The following SLC39A9 variants were observed in gnomAD, a reference collection of about 807,000 sequenced individuals.
SLC39A9 encodes solute carrier family 39 member 9.
SLC39A9 carries 14 observed loss-of-function variants against 28.4 expected under a neutral mutation model. That is an observed-to-expected ratio of 0.49 (90% CI 0.33 to 0.77). SLC39A9 has a LOEUF of 0.77. Among genes scored for constraint, SLC39A9 ranks in the 30% least tolerant of loss-of-function variants. SLC39A9 has a pLI of 0.02. For synonymous variants in SLC39A9, 119 were observed against 149.6 expected, an observed-to-expected ratio of 0.80 and a Z score of 1.49; for missense variants, 283 against 381.1, an observed-to-expected ratio of 0.74 and a Z score of 2.14.
chr14:69,424,471 T>G (rs905997521), intron 2 of SLC39A9, among the ~76,000 whole-genome samples: 2 of 152,208 alleles, frequency 1.3e-5, no homozygotes, highest in African/African-American at 4.8e-5. Flanking sequence ...TCTTTTTTAA[T>G]GCTTACTCAA....
At chr14:69,426,985 T>C (rs1341825900) in intron 2 of SLC39A9, among the ~76,000 whole-genome samples, 1 of 151,630 alleles carries the variant, frequency 6.6e-6, no homozygotes, top group Admixed American at 6.6e-5. Flanking sequence ...TTTTCAGTTT[T>C]CCTGATTTTT....
intron 2 of SLC39A9, among the ~76,000 whole-genome samples, chr14:69,427,507 A>G (rs879867207): frequency 1.4e-4 from 22 of 152,350 alleles, no homozygotes; most frequent in Admixed American, 2.0e-4. Flanking sequence ...TGACAAATGC[A>G]TAGAGAGTGA....
chr14:69,409,415 T>C (rs1883124778), intron 1 of SLC39A9, among the ~76,000 whole-genome samples: 2 of 152,200 alleles, frequency 1.3e-5, no homozygotes, highest in Non-Finnish European at 2.9e-5. Flanking sequence ...TTTGGTTCAC[T>C]GTAGCCTCCG....
At chr14:69,418,033 C>A (rs1482947142) in intron 1 of SLC39A9, among the ~76,000 whole-genome samples, 1 of 152,104 alleles carries the variant, frequency 6.6e-6, no homozygotes, top group East Asian at 1.9e-4. Context: ...AGAGGGCATC[C>A]CTGTCTTGTG....
chr14:69,412,596 G>C (rs1171718841), intron 1 of SLC39A9, among the ~76,000 whole-genome samples: 9 of 152,104 alleles, frequency 5.9e-5, no homozygotes, highest in African/African-American at 1.7e-4. Context: ...TCAGAGCCCA[G>C]TGGCCGGTAC....
At chr14:69,430,710 G>A (rs997133670) in intron 2 of SLC39A9, among the ~76,000 whole-genome samples, 33 of 148,602 alleles carry the variant, frequency 2.2e-4, no homozygotes, top group African/African-American at 7.5e-4. Flanking sequence ...AGCTCACTGT[G>A]ACCTTGAACT....
chr14:69,415,493 A>C (rs1883519040), intron 1 of SLC39A9, among the ~76,000 whole-genome samples: 1 of 152,136 alleles, frequency 6.6e-6, no homozygotes, highest in Non-Finnish European at 1.5e-5. Flanking sequence ...ATTGAGTTGT[A>C]GAAGTTCTTT....
At chr14:69,421,561 T>A (rs1418528731) in intron 1 of SLC39A9, among the ~76,000 whole-genome samples, 1 of 152,244 alleles carries the variant, frequency 6.6e-6, no homozygotes, top group Non-Finnish European at 1.5e-5. Context: ...CGTTTAAGAC[T>A]GCAGAAGTTT....
At chr14:69,449,553 A>T (rs1885504991) in intron 3 of SLC39A9, among the ~76,000 whole-genome samples, 1 of 152,184 alleles carries the variant, frequency 6.6e-6, no homozygotes, top group East Asian at 1.9e-4. Flanking sequence ...TGAGCCCAGG[A>T]ATTCGAGACT....
rs1264412653 is a variant in SLC39A9 at position 69,424,139 on chromosome 14, G to A, written c.142G>A (p.Gly48Arg). Residue 48 changes from glycine to arginine, a missense_variant, in exon 2 of 7, where the codon GGA (glycine) becomes AGA (arginine). Coordinates refer to ENST00000336643, the MANE Select transcript of SLC39A9 (RefSeq NM_018375.5). Reference sequence around the variant, plus strand: ...TGTTTTGGGTGCTGGCCTTCTCTGTGGAACTGCTCTGGCAGTCATCGTGCC... The same window carrying A: ...TGTTTTGGGTGCTGGCCTTCTCTGTAGAACTGCTCTGGCAGTCATCGTGCC... Reference protein sequence around the residue: ...VTVLGAGLLCGTALAVIVPEG... With the variant: ...VTVLGAGLLCRTALAVIVPEG... The A allele has an allele frequency of 6.2e-7, 1 of 1,613,914 alleles. No individual in the cohort carries two copies. Among genetic ancestry groups the A allele is most frequent in the East Asian group, 2.2e-5 (1 of 44,870 alleles).
intron 1 of SLC39A9, among the ~76,000 whole-genome samples, chr14:69,409,964 A>G (rs1426072166): frequency 6.6e-6 from 1 of 152,194 alleles, no homozygotes; most frequent in Non-Finnish European, 1.5e-5. Context: ...AGGAAAAGGT[A>G]TATTTACTAT....
rs1884734965 is a variant in SLC39A9, at chr14:69,436,085, A to G, written c.206-5984A>G. ...TTTATAAGTGTCTGTTTCTCTGCTG[A>G]GGATGTTCATTTATTTGAGGAATTT... On this transcript the variant is annotated intron_variant, in intron 2 of 6. Coordinates refer to ENST00000336643, the MANE Select transcript of SLC39A9 (RefSeq NM_018375.5). Among the ~76,000 whole-genome samples, 3 of 151,812 alleles carry G rather than the reference A, an allele frequency of 2.0e-5. No homozygotes were observed. In the South Asian group the frequency reaches 6.3e-4, roughly 32 times the overall value.
intron 1 of SLC39A9, among the ~76,000 whole-genome samples, chr14:69,401,018 T>G (rs1249067582): frequency 6.6e-6 from 1 of 151,220 alleles, no homozygotes; most frequent in African/African-American, 2.4e-5. Flanking sequence ...CAGTGACATA[T>G]AGATGAGGAA....
In SLC39A9 at chr14:69,461,810, G is replaced by A; in HGVS notation, c.*3217G>A. ...ACAGCAGCACAAACCCCCAAAGGAT[G>A]TTCCTGCCTTGTGGGCCCCTGAGCC... On this transcript the variant is annotated 3_prime_UTR_variant, in exon 7 of 7. Transcript: ENST00000336643. 5 of 1,475,496 alleles carry A rather than the reference G, an allele frequency of 3.4e-6. No homozygotes were observed. The highest frequency in any genetic ancestry group is 4.5e-6 in the Non-Finnish European group (5 of 1,102,330). 91.4% of individuals were successfully genotyped at this position (1,475,496 alleles called of 1,614,324 possible). A position where few individuals can be genotyped will look rare whatever the true frequency, so the allele number is the denominator to read the frequency against.
intron 3 of SLC39A9, among the ~76,000 whole-genome samples, chr14:69,451,705 A>G (rs951050322): frequency 1.3e-5 from 2 of 152,132 alleles, no homozygotes; most frequent in African/African-American, 4.8e-5. Context: ...GCTGGAATCA[A>G]TTTTTTAAAT....
At chr14:69,409,455 C>T (rs1162931623) in intron 1 of SLC39A9, among the ~76,000 whole-genome samples, 1 of 152,162 alleles carries the variant, frequency 6.6e-6, no homozygotes, top group East Asian at 1.9e-4. Flanking sequence ...CCTTCTACCT[C>T]AACCTCCCTA....
chr14:69,421,351 T>G (rs756999025), intron 1 of SLC39A9, among the ~76,000 whole-genome samples: 1 of 152,242 alleles, frequency 6.6e-6, no homozygotes, highest in Non-Finnish European at 1.5e-5. Context: ...CAAACATTGC[T>G]GCCTGATCCT....
intron 1 of SLC39A9, among the ~76,000 whole-genome samples, chr14:69,402,819 C>T (rs1049464824): frequency 1.2e-4 from 19 of 152,176 alleles, no homozygotes; most frequent in Non-Finnish European, 1.5e-5. Flanking sequence ...AAGTGGCTCA[C>T]GCCTGTAATC....
At chr14:69,427,461 A>G (rs536371325) in intron 2 of SLC39A9, among the ~76,000 whole-genome samples, 3 of 152,252 alleles carry the variant, frequency 2.0e-5, no homozygotes, top group South Asian at 4.1e-4. Context: ...TTATATATTT[A>G]TCATTCACAC....
Sources: gnomAD v4.1 joint callset for allele counts (sites outside exome capture counted in the v4.1 genomes callset) on GRCh38, gnomAD v4.1.1 for gene constraint, MANE v1.5 for transcripts, NCBI Gene and HGNC (gene_info 2026-07-23, HGNC 2026-07-21) for gene names.